The following ADHFE1 variants were observed in gnomAD, a reference collection of about 807,000 sequenced individuals.
ADHFE1 encodes alcohol dehydrogenase iron containing 1, also known as hydroxyacid-oxoacid transhydrogenase, mitochondrial.
In ADHFE1, 37 loss-of-function variants were observed where a neutral mutation model predicts 54.8. That is an observed-to-expected ratio of 0.68 (90% CI 0.52 to 0.89). The LOEUF is 0.89. Ranked by LOEUF, ADHFE1 falls within the 40% of genes least tolerant of loss-of-function variation. The pLI is 0.00. For synonymous variants in ADHFE1, 203 were observed against 229.3 expected (o/e 0.89, Z 1.04); for missense variants, 601 against 591.2 (o/e 1.02, Z -0.17).
chr8:66,450,075 G>C (rs1806223625), intron 8 of ADHFE1, among the ~76,000 whole-genome samples: 1 of 152,222 alleles, frequency 6.6e-6, no homozygotes, highest in Non-Finnish European at 1.5e-5. Flanking sequence ...AGGTGACAGA[G>C]TTAGAACTCA....
At chr8:66,449,690 A>C (rs1586461875) in intron 8 of ADHFE1, among the ~76,000 whole-genome samples, 2 of 152,294 alleles carry the variant, frequency 1.3e-5, no homozygotes, top group Non-Finnish European at 2.9e-5. Flanking sequence ...CTTCACATTC[A>C]GCATGTGCCA....
chr8:66,439,168 T>G lies in ADHFE1; in HGVS notation c.60-994T>G. The G allele has an allele frequency of 1.0e-6, 1 of 984,268 alleles. No individual in the cohort carries two copies. The highest frequency in any genetic ancestry group is 1.2e-6 in the Non-Finnish European group (1 of 828,904). 61.0% of individuals were successfully genotyped at this position (984,268 alleles called of 1,614,324 possible). ...CTTCGCAGTTCGAATTTTTGAGATC[T>G]GGACGGCCACTGAGATCAACCCTTT... is the stretch of plus-strand genomic sequence containing the variant. On this transcript the variant is annotated intron_variant, in intron 1 of 13. Coordinates refer to ENST00000396623, the MANE Select transcript of ADHFE1 (RefSeq NM_144650.3). The surrounding 1 kb of genome is among the most constrained non-coding windows in gnomAD (Gnocchi z 4.4).
intron 11 of ADHFE1, 87 bp from the exon 12 acceptor site, chr8:66,456,983 G>A: frequency 6.7e-7 from 1 of 1,501,670 alleles, no homozygotes; most frequent in Non-Finnish European, 9.0e-7. Context: ...CCTGCTTAGA[G>A]TATGGGGTAA....
At chr8:66,438,238 A>T (rs1201467601) in intron 1 of ADHFE1, among the ~76,000 whole-genome samples, 1 of 152,212 alleles carries the variant, frequency 6.6e-6, no homozygotes. Context: ...ATGAGAGGTG[A>T]TACTGGAACC....
In ADHFE1 at chr8:66,432,580, G is replaced by T; in HGVS notation, c.59+5G>T. 1 of 1,319,926 alleles carries T rather than the reference G, an allele frequency of 7.6e-7. No homozygotes were observed. Among genetic ancestry groups the T allele is most frequent in the Middle Eastern group, 2.1e-4 (1 of 4,654 alleles). 81.8% of individuals were successfully genotyped at this position (1,319,926 alleles called of 1,614,324 possible). A position where few individuals can be genotyped will look rare whatever the true frequency, so the allele number is the denominator to read the frequency against. ...GAGGCAACTGCAACGCGCAGCGTGA[G>T]TGCGGGGCCGGCGGGCGGGCAGGGG... is the stretch of plus-strand genomic sequence containing the variant. On this transcript the variant is annotated splice_donor_5th_base_variant and intron_variant, in intron 1 of 13. Transcript: ENST00000396623.
intron 10 of ADHFE1, 129 bp downstream of exon 10, chr8:66,454,286 TAA>T: frequency 1.2e-6 from 1 of 830,654 alleles, no homozygotes; most frequent in Non-Finnish European, 1.8e-6. Context: ...TTTATGTTCC[TAA>T]ATGTATTCTT....
intron 12 of ADHFE1, among the ~76,000 whole-genome samples, chr8:66,458,214 A>G (rs1016183566): frequency 1.7e-4 from 26 of 152,220 alleles, no homozygotes. Context: ...TAGTTAGGGC[A>G]AGAAGGGAAA....
At chr8:66,445,112 A>G in intron 5 of ADHFE1, 106 bp from the exon 6 acceptor site, 2 of 1,176,634 alleles carry the variant, frequency 1.7e-6, no homozygotes, top group Non-Finnish European at 2.3e-6. Flanking sequence ...AAAAAAAAAC[A>G]AAAACAAAAA....
intron 7 of ADHFE1, 125 bp downstream of exon 7, chr8:66,447,466 G>A: frequency 2.6e-6 from 2 of 769,224 alleles, no homozygotes; most frequent in Non-Finnish European, 4.1e-6. Flanking sequence ...CTATAGAAGA[G>A]CAAGGTGACG....
Position 66,445,355 on chromosome 8 carries a change from T to A in ADHFE1, c.491T>A (p.Val164Asp). 6.2e-7 allele frequency: 1 copy of A among 1,614,076 alleles called. No individual in the cohort carries two copies. The highest frequency in any genetic ancestry group is 8.5e-7 in the Non-Finnish European group (1 of 1,180,012). ...SSPHSDFLDY[V>D]SAPIGKGKPV... ...CCTCATTCTGATTTCCTAGATTATG[T>A]CAGTGCCCCCATTGGCAAGGGAAAG... Residue 164 changes from valine to aspartate, a missense_variant, in exon 6 of 14, where the codon GTC becomes GAC. Physicochemically the swap from Val to Asp is radical, Grantham distance 152. Transcript: ENST00000396623.
chr8:66,432,528 C>A lies in ADHFE1; in HGVS notation c.12C>A (p.Ala4=). MAA[A]ARARVAYLLR... is the part of the protein sequence containing the mutation. Reference sequence around the variant, plus strand: ...GGACTCCAAGCGCCATGGCCGCTGCCGCCCGAGCCCGGGTCGCGTACTTGC... The same window carrying A: ...GGACTCCAAGCGCCATGGCCGCTGCAGCCCGAGCCCGGGTCGCGTACTTGC... Residue 4 remains alanine (A), a synonymous_variant, in exon 1 of 14, where the codon GCC becomes GCA. Transcript: ENST00000396623. The A allele has an allele frequency of 7.4e-7, 1 of 1,360,050 alleles. No individual in the cohort carries two copies. The highest frequency in any genetic ancestry group is 9.6e-7 in the Non-Finnish European group (1 of 1,045,864). The allele number at this position is 1,360,050 out of a possible 1,614,324, so 84.2% of individuals were successfully genotyped here.
In ADHFE1 at chr8:66,454,048, A is replaced by G; in HGVS notation, c.888-11A>G. 2 of 1,613,764 alleles carry G rather than the reference A, an allele frequency of 1.2e-6. No homozygotes were observed. The highest frequency in any genetic ancestry group is 1.7e-6 in the Non-Finnish European group (2 of 1,179,852). On this transcript the variant is annotated splice_polypyrimidine_tract_variant and intron_variant, in intron 9 of 13. Coordinates refer to ENST00000396623, the MANE Select transcript of ADHFE1 (RefSeq NM_144650.3). ...TGATGTGTTATTGTTAGGTATTTATATCATTCACAGGGCTGTCAGAAATCC... is the reference window on the plus strand; with the variant it reads ...TGATGTGTTATTGTTAGGTATTTATGTCATTCACAGGGCTGTCAGAAATCC...
intron 10 of ADHFE1, among the ~76,000 whole-genome samples, chr8:66,455,481 G>A (rs1337788641): frequency 6.6e-6 from 1 of 152,240 alleles, no homozygotes; most frequent in East Asian, 1.9e-4. Context: ...CGCAAGGAAT[G>A]ATCAGCCTCT....
chr8:66,452,177 C>G (rs977968158), intron 9 of ADHFE1, 72 bp downstream of exon 9: 8 of 1,555,786 alleles, frequency 5.1e-6, no homozygotes, highest in African/African-American at 1.3e-5. Flanking sequence ...ACATGACATG[C>G]CTGAGCCTGA....
intron 8 of ADHFE1, 107 bp from the exon 9 acceptor site, chr8:66,451,846 C>A: frequency 7.7e-7 from 1 of 1,301,426 alleles, no homozygotes; most frequent in Non-Finnish European, 1.1e-6. Context: ...GATAATATAT[C>A]CACTGTGGGT....
chr8:66,452,193 C>G, intron 9 of ADHFE1, 88 bp downstream of exon 9: 4 of 1,511,594 alleles, frequency 2.6e-6, no homozygotes, highest in Non-Finnish European at 3.6e-6. Context: ...CCTGAAATAT[C>G]CTGAGCAGGT....
intron 2 of ADHFE1, among the ~76,000 whole-genome samples, chr8:66,441,683 A>G (rs1262455571): frequency 4.6e-5 from 7 of 152,214 alleles, no homozygotes; most frequent in Non-Finnish European, 1.0e-4. Flanking sequence ...AATCCTTTGC[A>G]AGGAAATAGC....
chr8:66,457,530 C>T (rs976433781), intron 12 of ADHFE1, among the ~76,000 whole-genome samples: 1 of 150,436 alleles, frequency 6.6e-6, no homozygotes. Context: ...TATTGCTTTG[C>T]GATAGCTTAA....
At chr8:66,438,480 C>T (rs1480275878) in intron 1 of ADHFE1, among the ~76,000 whole-genome samples, 2 of 152,080 alleles carry the variant, frequency 1.3e-5, no homozygotes, top group Non-Finnish European at 2.9e-5. Context: ...GGAAAAAGTT[C>T]CACCTGCCCA....
Sources: allele counts gnomAD v4.1 joint callset (sites outside exome capture counted in the v4.1 genomes callset), GRCh38; gene constraint gnomAD v4.1.1; non-coding constraint Gnocchi (gnomAD v3.1); transcripts MANE v1.5; gene names NCBI Gene and HGNC (gene_info 2026-07-23, HGNC 2026-07-21).